The following CWC22 variants were observed in gnomAD, a reference collection of about 807,000 sequenced individuals.
CWC22 encodes pre-mRNA-splicing factor CWC22 homolog.
In CWC22, 53 loss-of-function variants were observed where a neutral mutation model predicts 117.2. The ratio of observed to expected loss-of-function variants is 0.45; its 90% CI spans 0.36 to 0.57. The LOEUF is 0.57. CWC22 is among the 20% of genes least tolerant of loss of function. The probability of loss-of-function intolerance (pLI) is 0.00; values close to 1 mark genes in which losing one functional copy is unlikely to be tolerated. For missense variants in CWC22, 980 were observed against 1,068.8 expected (o/e 0.92, Z 1.16); for synonymous variants, 360 against 355.6 (o/e 1.01, Z -0.14).
chr2:179,984,442 G>C (rs934386591), intron 4 of CWC22, among the ~76,000 whole-genome samples: 1 of 151,960 alleles, frequency 6.6e-6, no homozygotes, highest in Non-Finnish European at 1.5e-5. Context: ...TATAGGATTA[G>C]GTATATACTA....
At chr2:179,953,821 T>C (rs1284948313) in intron 16 of CWC22, among the ~76,000 whole-genome samples, 1 of 152,094 alleles carries the variant, frequency 6.6e-6, no homozygotes, top group Non-Finnish European at 1.5e-5. Flanking sequence ...TGGAGAGTTA[T>C]TCCCTCAGGA....
At chr2:179,986,373 T>C (rs1260471333) in intron 4 of CWC22, among the ~76,000 whole-genome samples, 1 of 152,154 alleles carries the variant, frequency 6.6e-6, no homozygotes, top group Non-Finnish European at 1.5e-5. Context: ...CAACCCCTCT[T>C]GCGGTACAAT....
At position 179,973,214 on chromosome 2, in the gene CWC22, C is replaced by T. The variant is rs367980851; in HGVS notation, c.783G>A (p.Ala261=). The T allele has an allele frequency of 7.8e-5, 125 of 1,600,718 alleles. No homozygotes were observed. In the African/African-American group the frequency reaches 9.2e-4, roughly 12 times the overall value. Residue 261 remains alanine, a synonymous_variant, in exon 8 of 20, where the codon GCG becomes GCA. Coordinates refer to ENST00000410053, the MANE Select transcript of CWC22 (RefSeq NM_020943.3). ...TTACCACATTTTGGTTAATAAGATG[C>T]GCCACAAATTTTGAAGCAGTCAGGC... ...QLCLTASKFV[A]HLINQNVAHE...
chr2:179,986,637 C>A, intron 4 of CWC22, 58 bp downstream of exon 4: 1 of 972,092 alleles, frequency 1.0e-6, no homozygotes, highest in Non-Finnish European at 1.6e-6. Flanking sequence ...ACAAATGTAG[C>A]ATAAAGAGAG....
chr2:179,991,931 T>C (rs116143990), intron 2 of CWC22, among the ~76,000 whole-genome samples: 2,680 of 152,242 alleles, frequency 0.018, 72 homozygotes, highest in Admixed American at 0.08. Context: ...GATGTCTACT[T>C]AAAAGGGAGG....
At position 180,006,437 on chromosome 2, in the gene CWC22, A is replaced by C. The variant is rs1013909186; in HGVS notation, c.-114+430T>G. The stretch of plus-strand genomic sequence containing the variant: ...TTATTACCTCACTGGAGATAGTTCA[A>C]GTTATGGAAGGATCAAGAATGACAG... On this transcript the variant is annotated intron_variant, in intron 1 of 19. Transcript: ENST00000410053. Among the ~76,000 whole-genome samples, 19 of 152,332 alleles carry C rather than the reference A, an allele frequency of 1.2e-4. No homozygotes were observed. The East Asian group carries it at 2.3e-3, about 19-fold the overall frequency.
At position 179,950,713 on chromosome 2, in the gene CWC22, G is replaced by A. The variant is rs1260264788; in HGVS notation, c.1939C>T (p.Leu647Phe). The A allele has an allele frequency of 1.2e-6, 2 of 1,613,324 alleles. No individual in the cohort carries two copies. Among genetic ancestry groups the A allele is most frequent in the Admixed American group, 1.7e-5 (1 of 59,966 alleles). The change falls in exon 19 of 20, where the codon CTC becomes TTC. Residue 647 changes from leucine to phenylalanine, a missense_variant. Leu to Phe is a conservative substitution (Grantham distance 22). Transcript: ENST00000410053. Reference protein sequence around the residue: ...GGLTDELREHLKNTPKVIVAQ... With the variant: ...GGLTDELREHFKNTPKVIVAQ... ...ACAATGACCTTTGGTGTATTTTTGAGATGCTCCCGCAGTTCATCCCTAATT... is the reference window on the plus strand; with the variant it reads ...ACAATGACCTTTGGTGTATTTTTGAAATGCTCCCGCAGTTCATCCCTAATT...
At chr2:179,945,857 G>A in intron 19 of CWC22, 142 bp from the exon 20 acceptor site, 1 of 591,184 alleles carries the variant, frequency 1.7e-6, no homozygotes, top group South Asian at 2.3e-5. Flanking sequence ...TAGAAAGTCT[G>A]ATGACACAGA....
rs932026071 is a variant in CWC22, at chr2:179,944,976, C to T, written c.*153G>A. 1.8e-6 allele frequency: 1 copy of T among 544,482 alleles called. No individual in the cohort carries two copies. The highest frequency in any genetic ancestry group is 3.4e-5 in the South Asian group (1 of 29,434). The allele number at this position is 544,482 out of a possible 1,614,324, so 33.7% of individuals were successfully genotyped here. ...TTATGGGTAGGGCCTTGAGATGTATCAATTATAAAACATGTTAAAATGAAA... is the reference window on the plus strand; with the variant it reads ...TTATGGGTAGGGCCTTGAGATGTATTAATTATAAAACATGTTAAAATGAAA... On this transcript the variant is annotated 3_prime_UTR_variant, in exon 20 of 20. Coordinates refer to ENST00000410053, the MANE Select transcript of CWC22 (RefSeq NM_020943.3).
chr2:179,953,712 T>C (rs1051371451), intron 16 of CWC22, among the ~76,000 whole-genome samples: 13 of 152,140 alleles, frequency 8.5e-5, no homozygotes, highest in Admixed American at 8.5e-4. Flanking sequence ...TCTATGACTA[T>C]AGGATATCCT....
chr2:179,994,547 G>A (rs1687652116), intron 1 of CWC22, among the ~76,000 whole-genome samples: 3 of 152,234 alleles, frequency 2.0e-5, no homozygotes, highest in South Asian at 2.1e-4. Context: ...GATACAGAGC[G>A]GCTGTCATTT....
chr2:179,976,280 A>G (rs1168472616), intron 6 of CWC22, among the ~76,000 whole-genome samples: 2 of 152,228 alleles, frequency 1.3e-5, no homozygotes, highest in African/African-American at 2.4e-5. Context: ...TAAACATTAG[A>G]CCTGAAACTG....
rs1479260215 is a variant in CWC22, at chr2:179,973,298, T to A, written c.751-52A>T. 5 of 1,306,220 alleles carry A rather than the reference T, an allele frequency of 3.8e-6. No homozygotes were observed. In the African/African-American group the frequency reaches 7.3e-5, roughly 19 times the overall value. The allele number at this position is 1,306,220 out of a possible 1,614,324, so 80.9% of individuals were successfully genotyped here. ...CTATAAACTAAACCCAATTTTCATT[T>A]ATTTACATAATCTATGGCCTACTAA... On this transcript the variant is annotated intron_variant, in intron 7 of 19. Transcript: ENST00000410053.
intron 8 of CWC22, among the ~76,000 whole-genome samples, chr2:179,972,282 T>G (rs971978125): frequency 1.3e-5 from 2 of 152,194 alleles, no homozygotes; most frequent in Non-Finnish European, 2.9e-5. Flanking sequence ...ATAATATATA[T>G]CTGAAGGAAA....
intron 1 of CWC22, among the ~76,000 whole-genome samples, chr2:180,006,288 T>C (rs549740489): frequency 1.3e-5 from 2 of 152,278 alleles, no homozygotes; most frequent in East Asian, 3.9e-4. Flanking sequence ...TAAATGGAAA[T>C]AGGTACCGTG....
chr2:179,978,926 C>T (rs907278098), intron 5 of CWC22, among the ~76,000 whole-genome samples: 7 of 152,094 alleles, frequency 4.6e-5, no homozygotes, highest in Non-Finnish European at 7.4e-5. Flanking sequence ...TACAGCTATA[C>T]CAGTTGAATG....
intron 4 of CWC22, among the ~76,000 whole-genome samples, chr2:179,982,385 A>G (rs1687306712): frequency 6.6e-6 from 1 of 152,172 alleles, no homozygotes; most frequent in African/African-American, 2.4e-5. Flanking sequence ...AAACATATGT[A>G]AAGACTTTAA....
intron 4 of CWC22, among the ~76,000 whole-genome samples, chr2:179,983,436 C>T (rs193280670): frequency 8.1e-4 from 123 of 152,224 alleles, no homozygotes; most frequent in African/African-American, 2.8e-3. Context: ...CTGCAAAGAA[C>T]ATAATCTCAT....
chr2:179,982,663 G>T (rs1194858906), intron 4 of CWC22, among the ~76,000 whole-genome samples: 2 of 152,120 alleles, frequency 1.3e-5, no homozygotes, highest in African/African-American at 4.8e-5. Context: ...GAGACAATGT[G>T]GGGGGAAAAA....
Sources: gnomAD v4.1 joint callset for allele counts (sites outside exome capture counted in the v4.1 genomes callset) on GRCh38, gnomAD v4.1.1 for gene constraint, MANE v1.5 for transcripts, NCBI Gene and HGNC (gene_info 2026-07-23, HGNC 2026-07-21) for gene names.